The following KCNC2 variants were observed in gnomAD, a reference collection of about 807,000 sequenced individuals.
KCNC2 encodes the protein voltage-gated potassium channel KCNC2.
A neutral mutation model predicts 44.5 loss-of-function variants in KCNC2; 21 were observed. The observed-to-expected ratio is 0.47, with a 90% confidence interval of 0.33 to 0.68. KCNC2 has a LOEUF of 0.68. Ranked by LOEUF, KCNC2 falls within the 30% of genes least tolerant of loss-of-function variation. The pLI is 0.01. For missense variants in KCNC2, 589 were observed against 826.2 expected, an observed-to-expected ratio of 0.71 and a Z score of 3.52; for synonymous variants, 391 against 339.1, an observed-to-expected ratio of 1.15 and a Z score of -1.68.
intron 4 of KCNC2, among the ~76,000 whole-genome samples, chr12:75,044,100 C>A (rs1880215378): frequency 1.3e-5 from 2 of 151,924 alleles, no homozygotes; most frequent in Admixed American, 1.3e-4. Flanking sequence ...CTATCAAGGT[C>A]ACCTTTGGAA....
At chr12:75,111,996 C>A (rs911438643) in intron 2 of KCNC2, among the ~76,000 whole-genome samples, 8 of 138,764 alleles carry the variant, frequency 5.8e-5, no homozygotes, top group African/African-American at 2.3e-4. Flanking sequence ...GGAAAAAATT[C>A]AATAAAAATA....
At chr12:75,202,471 C>A (rs1475425222) in intron 2 of KCNC2, among the ~76,000 whole-genome samples, 1 of 151,764 alleles carries the variant, frequency 6.6e-6, no homozygotes, top group Non-Finnish European at 1.5e-5. Flanking sequence ...GTGGAAAGTG[C>A]AAACACACTG....
In KCNC2 at chr12:75,043,930, C is replaced by A. The variant is rs1592746672; in HGVS notation, c.1781-689G>T. 2.2e-5 allele frequency: 12 copies of A among 553,384 alleles called. No homozygotes were observed. In the East Asian group the frequency reaches 3.7e-4, roughly 17 times the overall value. 34.3% of individuals were successfully genotyped at this position (553,384 alleles called of 1,614,324 possible). ...ATGATGTTTTCAGCTGATTTCCACC[C>A]CCGACCTTCCCACCCAGGAATTGAG... is the stretch of plus-strand genomic sequence containing the variant. On this transcript the variant is annotated intron_variant, in intron 4 of 4. Coordinates refer to ENST00000549446, the MANE Select transcript of KCNC2 (RefSeq NM_139137.4).
chr12:75,062,013 G>A (rs777209305), intron 2 of KCNC2, among the ~76,000 whole-genome samples: 6 of 151,932 alleles, frequency 3.9e-5, no homozygotes, highest in Non-Finnish European at 5.9e-5. Context: ...AAAATAAAAC[G>A]TATGCTTTCT....
intron 2 of KCNC2, among the ~76,000 whole-genome samples, chr12:75,077,858 T>G (rs937296276): frequency 6.6e-6 from 1 of 152,040 alleles, no homozygotes; most frequent in African/African-American, 2.4e-5. Context: ...GAAGAGAAAG[T>G]TTAGAAGTAG....
chr12:75,142,036 G>A (rs1369380640), intron 2 of KCNC2, among the ~76,000 whole-genome samples: 2 of 151,974 alleles, frequency 1.3e-5, no homozygotes, highest in African/African-American at 2.4e-5. Flanking sequence ...GTAGTAAGAG[G>A]GAATACCTGA....
chr12:75,092,871 A>AT (rs1190839723), intron 2 of KCNC2, among the ~76,000 whole-genome samples: 1 of 151,610 alleles, frequency 6.6e-6, no homozygotes, highest in Non-Finnish European at 1.5e-5. Flanking sequence ...ATTAAGCCTA[A>AT]TATGTGGATA....
rs199906410 is a variant in KCNC2 at position 75,041,241 on chromosome 12, T to A, written c.*1864A>T. On this transcript the variant is annotated 3_prime_UTR_variant, in exon 5 of 5. Transcript: ENST00000549446. ...ATAACAGCAGCACCAGACAGCATAT[T>A]AATTCTTTTACCATAAATTTGTGTG... The A allele has an allele frequency of 9.6e-5, 153 of 1,591,690 alleles. No homozygotes were observed. In the African/African-American group the frequency reaches 1.9e-3, roughly 20 times the overall value.
At chr12:75,175,673 C>T (rs1892136196) in intron 2 of KCNC2, among the ~76,000 whole-genome samples, 2 of 151,992 alleles carry the variant, frequency 1.3e-5, no homozygotes, top group South Asian at 2.1e-4. Flanking sequence ...CTCTGAAGAG[C>T]TGTAATTAAT....
At chr12:75,130,626 G>C (rs1408632687) in intron 2 of KCNC2, among the ~76,000 whole-genome samples, 2 of 152,038 alleles carry the variant, frequency 1.3e-5, no homozygotes, top group African/African-American at 2.4e-5. Flanking sequence ...TTATTATAAG[G>C]GTGTGGTTAA....
At chr12:75,091,375 A>G (rs1885459486) in intron 2 of KCNC2, among the ~76,000 whole-genome samples, 1 of 151,710 alleles carries the variant, frequency 6.6e-6, no homozygotes, top group Non-Finnish European at 1.5e-5. Flanking sequence ...ACTTGTTATT[A>G]GCAAAAGCAA....
At chr12:75,184,022 C>T (rs570089458) in intron 2 of KCNC2, among the ~76,000 whole-genome samples, 1 of 152,174 alleles carries the variant, frequency 6.6e-6, no homozygotes, top group African/African-American at 2.4e-5. Context: ...CTCACCCCCA[C>T]CCACTTCTCC....
chr12:75,113,888 C>A (rs2446337), intron 2 of KCNC2, among the ~76,000 whole-genome samples: 40,088 of 151,930 alleles, frequency 0.26, 5,825 homozygotes, highest in Middle Eastern at 0.4. Context: ...CACTTTCAAT[C>A]TCTCCAGGGA....
chr12:75,110,932 C>A lies in KCNC2; in HGVS notation c.688-59615G>T, dbSNP rs193261392. Among the ~76,000 whole-genome samples, 93 of 152,144 alleles carry A rather than the reference C, an allele frequency of 6.1e-4. 1 individual carries two copies. The East Asian group carries it at 0.018, about 29-fold the overall frequency. ...TTCTCTTGTTTTCCCTGAATTTATG[C>A]ATCTTAAAAATACGCTTTGTTATTC... On this transcript the variant is annotated intron_variant, in intron 2 of 4. Coordinates refer to ENST00000549446, the MANE Select transcript of KCNC2 (RefSeq NM_139137.4).
In KCNC2 at chr12:75,071,362, G is replaced by A. The variant is rs191573406; in HGVS notation, c.688-20045C>T. Among the ~76,000 whole-genome samples the A allele has an allele frequency of 1.5e-3, 231 of 152,134 alleles. 1 individual carries two copies. Among genetic ancestry groups the A allele is most frequent in the African/African-American group, 5.2e-3 (217 of 41,480 alleles). ...AGACATACCAGCTTCACGAATAAAG[G>A]GGTATCCTAAAAATATTGGGAATTT... On this transcript the variant is annotated intron_variant, in intron 2 of 4. Transcript: ENST00000549446.
intron 2 of KCNC2, among the ~76,000 whole-genome samples, chr12:75,188,764 G>A (rs1306794137): frequency 6.6e-6 from 1 of 151,830 alleles, no homozygotes; most frequent in Non-Finnish European, 1.5e-5. Context: ...GGAGGCTGAG[G>A]CAGGAGAATC....
chr12:75,151,083 T>C (rs1469288763), intron 2 of KCNC2, among the ~76,000 whole-genome samples: 1 of 151,952 alleles, frequency 6.6e-6, no homozygotes, highest in Non-Finnish European at 1.5e-5. Context: ...TGAATTTCCA[T>C]TTTGATAACT....
At chr12:75,057,067 A>G (rs894647913) in intron 2 of KCNC2, among the ~76,000 whole-genome samples, 2 of 152,030 alleles carry the variant, frequency 1.3e-5, no homozygotes, top group African/African-American at 4.8e-5. Context: ...AACTTTAAGC[A>G]TGTATTCTAG....
chr12:75,105,624 A>G (rs1712965087), intron 2 of KCNC2, among the ~76,000 whole-genome samples: 2 of 152,210 alleles, frequency 1.3e-5, no homozygotes, highest in African/African-American at 2.4e-5. Context: ...AGGCATAGAA[A>G]CAGAATTTCC....
Sources: gnomAD v4.1 joint callset for allele counts (sites outside exome capture counted in the v4.1 genomes callset) on GRCh38, gnomAD v4.1.1 for gene constraint, MANE v1.5 for transcripts, NCBI Gene and HGNC (gene_info 2026-07-23, HGNC 2026-07-21) for gene names.